Variants in USP35 observed in about 807,000 individuals in gnomAD.
USP35 encodes ubiquitin carboxyl-terminal hydrolase 35.
Under a neutral mutation model 83.8 loss-of-function variants are expected in USP35, and 69 were observed. The ratio of observed to expected loss-of-function variants is 0.82; its 90% CI spans 0.68 to 1.01. The LOEUF (loss-of-function observed/expected upper bound fraction) is 1.01, where lower values mean the gene tolerates loss of function less well. Among genes scored for constraint, USP35 ranks in the 50% least tolerant of loss-of-function variants. The pLI, the probability that USP35 is intolerant of heterozygous loss-of-function variation, is 0.00. For synonymous variants in USP35, 714 were observed against 589.5 expected (o/e 1.21, Z -3.06); for missense variants, 1,503 against 1,362.5 (o/e 1.10, Z -1.62).
In USP35 at chr11:78,196,465, G is replaced by A. The variant is rs1555085070; in HGVS notation, c.220G>A (p.Asp74Asn). ...GCACGTGGCCGGCCGCCACCACCCC[G>A]ACGTCTTCGCCGAGTTCTTCAGCGC... is the stretch of plus-strand genomic sequence containing the variant. ...LLHVAGRHHP[D>N]VFAEFFSARR... The change falls in exon 2 of 11, where the codon GAC becomes AAC. Residue 74 changes from aspartate (D) to asparagine (N), a missense_variant. Asp to Asn is a conservative substitution (Grantham distance 23). Transcript: ENST00000529308. This position sits in a 1 kb window ranked among gnomAD's most constrained non-coding sequence, Gnocchi z 4.8. 6 of 1,251,286 alleles carry A rather than the reference G, an allele frequency of 4.8e-6. No individual in the cohort carries two copies. The South Asian group carries it at 6.9e-5, about 14-fold the overall frequency. The allele number at this position is 1,251,286 out of a possible 1,614,324, so 77.5% of individuals were successfully genotyped here. A position where few individuals can be genotyped will look rare whatever the true frequency, so the allele number is the denominator to read the frequency against.
At chr11:78,233,909 C>T in the USP35 span, among the ~76,000 whole-genome samples, 1 of 152,180 alleles carries the variant, frequency 6.6e-6, no homozygotes, top group South Asian at 2.1e-4. Flanking sequence ...CCACGCCCAG[C>T]CCATTTTCTT....
At position 78,214,554 on chromosome 11, in the gene USP35, G is replaced by GT. The variant is rs1555090444; in HGVS notation, c.*742dup. ...TGAAGTGTGGGCTCTTAGGAAGCCTGTGGGCTCCTCTGAGCAGTTGGCCTT... is the reference window on the plus strand; with the variant it reads ...TGAAGTGTGGGCTCTTAGGAAGCCTGTTGGGCTCCTCTGAGCAGTTGGCCTT... On this transcript the variant is annotated 3_prime_UTR_variant, in exon 11 of 11. Transcript: ENST00000529308. 6.6e-6 allele frequency: 1 copy of GT among 152,118 alleles called. No homozygotes were observed. The highest frequency in any genetic ancestry group is 2.4e-5 in the African/African-American group (1 of 41,332). The allele number at this position is 152,118 out of a possible 1,614,324, so 9.4% of individuals were successfully genotyped here. A position where few individuals can be genotyped will look rare whatever the true frequency, so the allele number is the denominator to read the frequency against.
chr11:78,225,889 GAATT>G, the USP35 span, among the ~76,000 whole-genome samples: 1 of 152,320 alleles, frequency 6.6e-6, no homozygotes, highest in African/African-American at 2.4e-5. Flanking sequence ...AAAATGAAAG[GAATT>G]AATATTGTTC....
chr11:78,210,593 T>A lies in USP35; in HGVS notation c.2738T>A (p.Phe913Tyr). The change falls in exon 10 of 11, where the codon TTC (phenylalanine) becomes TAC (tyrosine). Residue 913 changes from phenylalanine to tyrosine, a missense_variant. Phe to Tyr is a conservative substitution (Grantham distance 22). Coordinates refer to ENST00000529308, the MANE Select transcript of USP35 (RefSeq NM_020798.4). ...TCTGTCAGCAACGTCACCTCCTTCT[T>A]CCCTAAGGACACAGCCTATGTGCTG... ...FESVSNVTSF[F>Y]PKDTAYVLFY... is the part of the protein sequence containing the mutation. The A allele has an allele frequency of 6.2e-7, 1 of 1,614,102 alleles. No individual in the cohort carries two copies. Among genetic ancestry groups the A allele is most frequent in the Non-Finnish European group, 8.5e-7 (1 of 1,179,956 alleles).
chr11:78,190,551 G>C (rs1862973464), intron 1 of USP35, among the ~76,000 whole-genome samples: 2 of 152,216 alleles, frequency 1.3e-5, no homozygotes, highest in African/African-American at 4.8e-5. Context: ...CTCAGTCCTT[G>C]GTTCTGTACT....
At chr11:78,221,967 A>G in the USP35 span, 4 of 711,890 alleles carry the variant, frequency 5.6e-6, no homozygotes, top group South Asian at 1.6e-5. Context: ...ACCAAGCCAC[A>G]AGACATCGAG....
chr11:78,197,549 A>T (rs962591083), intron 2 of USP35, among the ~76,000 whole-genome samples: 1 of 152,164 alleles, frequency 6.6e-6, no homozygotes, highest in African/African-American at 2.4e-5. Flanking sequence ...AGAACTGAGG[A>T]CAACAGACTT....
rs1863718799 is a variant in USP35 at position 78,210,450 on chromosome 11, C to T, written c.2595C>T (p.Cys865=). ...GVSSESGHYY[C]YAREGAARPA... is the part of the protein sequence containing the mutation. ...CTTCGGAGAGTGGTCACTACTACTG[C>T]TATGCCCGTGAGGGCGCTGCCCGCC... Residue 865 remains cysteine, a synonymous_variant, in exon 10 of 11, where the codon TGC becomes TGT. Coordinates refer to ENST00000529308, the MANE Select transcript of USP35 (RefSeq NM_020798.4). 10 of 1,614,224 alleles carry T rather than the reference C, an allele frequency of 6.2e-6. No homozygotes were observed. Among genetic ancestry groups the T allele is most frequent in the Non-Finnish European group, 8.5e-6 (10 of 1,180,034 alleles).
downstream of USP35, chr11:78,215,769 AC>A (rs35001332): frequency 6.6e-6 from 1 of 151,926 alleles, no homozygotes; most frequent in Non-Finnish European, 1.5e-5. Flanking sequence ...CAGAAAGACG[AC>A]CCCCCACGGA....
downstream of USP35, among the ~76,000 whole-genome samples, chr11:78,219,733 C>G (rs567000527): frequency 2.0e-5 from 3 of 152,308 alleles, no homozygotes; most frequent in African/African-American, 4.8e-5. Context: ...CCACCCATCT[C>G]TGTCAGGTCG....
At position 78,196,966 on chromosome 11, in the gene USP35, T is replaced by TG. The variant is rs770103187; in HGVS notation, c.673+51dup. 7.0e-7 allele frequency: 1 copy of TG among 1,424,360 alleles called. No homozygotes were observed. The highest frequency in any genetic ancestry group is 1.5e-5 in the South Asian group (1 of 64,814). 88.2% of individuals were successfully genotyped at this position (1,424,360 alleles called of 1,614,324 possible). On this transcript the variant is annotated intron_variant, in intron 2 of 10. Coordinates refer to ENST00000529308, the MANE Select transcript of USP35 (RefSeq NM_020798.4). This position sits in a 1 kb window ranked among gnomAD's most constrained non-coding sequence, Gnocchi z 4.8. ...AGCGCGGGCATGCGGAGGTCCTGGG[T>TG]GGGCGCTTGGGTAGGTGGCTGTACG...
chr11:78,227,739 A>G, the USP35 span, among the ~76,000 whole-genome samples: 1 of 152,058 alleles, frequency 6.6e-6, no homozygotes, highest in South Asian at 2.1e-4. Flanking sequence ...GTTCGAAGTT[A>G]GAGTGAGCTA....
intron 9 of USP35, 62 bp downstream of exon 9, chr11:78,209,025 TA>T (rs1233062567): frequency 1.3e-6 from 2 of 1,522,642 alleles, no homozygotes; most frequent in African/African-American, 1.4e-5. Flanking sequence ...GCAAGCCCAG[TA>T]CCTCTGAGCT....
the USP35 span, chr11:78,220,485 CA>C: frequency 6.6e-7 from 1 of 1,523,662 alleles, no homozygotes; most frequent in Non-Finnish European, 8.9e-7. Context: ...CTGCAGAAAA[CA>C]GACTAACCCA....
At chr11:78,199,521 T>G in intron 3 of USP35, 74 bp from the exon 4 acceptor site, 2 of 1,595,854 alleles carry the variant, frequency 1.3e-6, no homozygotes, top group Non-Finnish European at 1.7e-6. Context: ...ACATTACGGA[T>G]AGCCCCTGGG....
chr11:78,210,370 GGTGGCC>G lies in USP35; in HGVS notation c.2522_2527del (p.Arg841_Gly842del). The G allele has an allele frequency of 6.2e-7, 1 of 1,613,598 alleles. No homozygotes were observed. Among genetic ancestry groups the G allele is most frequent in the Non-Finnish European group, 8.5e-7 (1 of 1,179,942 alleles). ...CCTGCTGCTCCGCCTGCCACTGGCTGGTGGCCGTGGCCAGGCCTATGACCTCTGCAG... is the reference window on the plus strand; with the variant it reads ...CCTGCTGCTCCGCCTGCCACTGGCTGGTGGCCAGGCCTATGACCTCTGCAG... On this transcript the variant is annotated inframe_deletion, in exon 10 of 11. Transcript: ENST00000529308.
chr11:78,204,142 G>A (rs1470818285), intron 6 of USP35, among the ~76,000 whole-genome samples: 1 of 151,928 alleles, frequency 6.6e-6, no homozygotes, highest in Non-Finnish European at 1.5e-5. Context: ...CGCCCGCCTC[G>A]GCCTCCCAAA....
chr11:78,189,514 C>T (rs372378107), intron 1 of USP35, among the ~76,000 whole-genome samples: 8 of 152,110 alleles, frequency 5.3e-5, no homozygotes, highest in Non-Finnish European at 8.8e-5. Flanking sequence ...CTGGGGGGCC[C>T]GAGGCCACCA....
chr11:78,218,674 G>A (rs1864266133), downstream of USP35: 1 of 152,990 alleles, frequency 6.5e-6, no homozygotes, highest in Admixed American at 6.5e-5. Context: ...CTCTTCATCT[G>A]GGCATCTAAG....
Sources: allele counts gnomAD v4.1 joint callset (sites outside exome capture counted in the v4.1 genomes callset), GRCh38; gene constraint gnomAD v4.1.1; non-coding constraint Gnocchi (gnomAD v3.1); transcripts MANE v1.5; gene names NCBI Gene and HGNC (gene_info 2026-07-23, HGNC 2026-07-21).